The following DPP6 variants were observed in gnomAD, a reference collection of about 807,000 sequenced individuals.
DPP6 encodes dipeptidyl peptidase like 6, also known as A-type potassium channel modulatory protein DPP6.
A neutral mutation model predicts 122.6 loss-of-function variants in DPP6; 69 were observed. That is an observed-to-expected ratio of 0.56 (90% CI 0.46 to 0.69). The LOEUF (loss-of-function observed/expected upper bound fraction) is 0.69. Among genes scored for constraint, DPP6 ranks in the 30% least tolerant of loss-of-function variants. DPP6 has a pLI of 0.00. For missense variants in DPP6, 928 were observed against 1,116.9 expected (o/e 0.83, Z 2.41); for synonymous variants, 418 against 433.1 (o/e 0.97, Z 0.43).
intron 7 of DPP6, among the ~76,000 whole-genome samples, chr7:154,708,159 A>C (rs745935934): frequency 1.3e-5 from 2 of 152,204 alleles, no homozygotes; most frequent in Non-Finnish European, 1.5e-5. Flanking sequence ...CAATTTTAGG[A>C]CTACTTCCAT....
intron 1 of DPP6, among the ~76,000 whole-genome samples, chr7:154,316,266 C>T (rs1424930984): frequency 3.9e-5 from 6 of 152,206 alleles, no homozygotes; most frequent in Non-Finnish European, 8.8e-5. Flanking sequence ...TTCTCTGCTA[C>T]AGAAGCATGA....
At chr7:154,634,327 C>A (rs1835593329) in intron 5 of DPP6, among the ~76,000 whole-genome samples, 1 of 151,946 alleles carries the variant, frequency 6.6e-6, no homozygotes, top group African/African-American at 2.4e-5. Flanking sequence ...CATGTCCCTA[C>A]AAAGGACATG....
intron 16 of DPP6, among the ~76,000 whole-genome samples, chr7:154,848,384 T>C (rs1037635110): frequency 1.3e-5 from 2 of 152,194 alleles, no homozygotes; most frequent in African/African-American, 2.4e-5. Flanking sequence ...TGAGATGATA[T>C]CTTATTGTGC....
chr7:153,871,393 T>G, the DPP6 span, among the ~76,000 whole-genome samples: 1 of 152,198 alleles, frequency 6.6e-6, no homozygotes, highest in Admixed American at 6.5e-5. Flanking sequence ...TGCAGTTTGA[T>G]CTCAGACTGC....
At position 154,070,502 on chromosome 7, in the gene DPP6, T is replaced by C. The variant is rs189745268; in HGVS notation, c.243+17439T>C. Among the ~76,000 whole-genome samples the C allele has an allele frequency of 1.1e-4, 16 of 152,364 alleles. No homozygotes were observed. The East Asian group carries it at 2.3e-3, about 22-fold the overall frequency. On this transcript the variant is annotated intron_variant, in intron 1 of 25. Transcript: ENST00000377770. ...TTATGTGATCAGTTAGATGACATGC[T>C]AATAGGCAAAAGGCTTGCCTCTAAT... is the stretch of plus-strand genomic sequence containing the variant.
chr7:154,054,071 T>C (rs1446163130), intron 1 of DPP6, among the ~76,000 whole-genome samples: 2 of 149,566 alleles, frequency 1.3e-5, no homozygotes, highest in Non-Finnish European at 1.5e-5. Context: ...GGTACAGCTC[T>C]TATAACAGCT....
intron 1 of DPP6, among the ~76,000 whole-genome samples, chr7:153,965,006 T>C (rs1326898371): frequency 2.1e-5 from 3 of 141,618 alleles, no homozygotes; most frequent in South Asian, 2.2e-4. Context: ...CTTTCTTCCT[T>C]CCTTCCTTCC....
intron 1 of DPP6, among the ~76,000 whole-genome samples, chr7:153,899,680 C>G (rs1440792247): frequency 6.6e-6 from 1 of 152,162 alleles, no homozygotes; most frequent in East Asian, 1.9e-4. Context: ...TGCTTAGCTT[C>G]TGAGAAATGT....
chr7:154,308,950 A>C (rs73491265), intron 1 of DPP6, among the ~76,000 whole-genome samples: 8,557 of 152,202 alleles, frequency 0.056, 355 homozygotes, highest in African/African-American at 0.12. Flanking sequence ...ATGTGTGTGC[A>C]TGCGTATGCA....
the DPP6 span, among the ~76,000 whole-genome samples, chr7:153,787,394 T>C: frequency 6.8e-6 from 1 of 147,952 alleles, no homozygotes; most frequent in Non-Finnish European, 1.5e-5. Context: ...CCAGAGATGC[T>C]GTTCTTTGTA....
chr7:154,801,108 C>A (rs536173810), intron 12 of DPP6, among the ~76,000 whole-genome samples: 1 of 151,878 alleles, frequency 6.6e-6, no homozygotes, highest in African/African-American at 2.4e-5. Context: ...CTGAGGGATG[C>A]CTTTTTATTT....
chr7:154,005,734 G>A (rs2129047214), intron 1 of DPP6, among the ~76,000 whole-genome samples: 1 of 150,580 alleles, frequency 6.6e-6, no homozygotes, highest in African/African-American at 2.5e-5. Flanking sequence ...GCTGGAGCAG[G>A]GAGGTGTGAC....
intron 5 of DPP6, among the ~76,000 whole-genome samples, chr7:154,584,808 C>A (rs1048043864): frequency 3.9e-5 from 6 of 152,214 alleles, no homozygotes; most frequent in Admixed American, 1.3e-4. Context: ...AGAAAGCATG[C>A]ACAAAGCCTG....
the DPP6 span, among the ~76,000 whole-genome samples, chr7:153,780,502 T>C: frequency 6.6e-6 from 1 of 152,140 alleles, no homozygotes; most frequent in East Asian, 1.9e-4. Context: ...TCACAGCACA[T>C]ACTTGGCATT....
chr7:154,438,276 G>A (rs1819042378), intron 1 of DPP6, among the ~76,000 whole-genome samples: 1 of 151,872 alleles, frequency 6.6e-6, no homozygotes, highest in Admixed American at 6.6e-5. Context: ...GACCATCCTG[G>A]CTGACACGGT....
the DPP6 span, among the ~76,000 whole-genome samples, chr7:153,859,716 G>A: frequency 1.3e-5 from 2 of 151,758 alleles, no homozygotes; most frequent in African/African-American, 4.8e-5. Context: ...AAGAAAAGAG[G>A]TTTAATTGAC....
At chr7:154,035,328 A>G (rs545781969) in intron 1 of DPP6, among the ~76,000 whole-genome samples, 17 of 152,386 alleles carry the variant, frequency 1.1e-4, no homozygotes, top group Non-Finnish European at 1.9e-4. Context: ...AAGTTACACT[A>G]TAATTCATCA....
intron 1 of DPP6, among the ~76,000 whole-genome samples, chr7:154,132,282 A>G (rs1259000841): frequency 4.6e-5 from 7 of 152,204 alleles, no homozygotes; most frequent in African/African-American, 1.4e-4. Flanking sequence ...CGCTAAATAT[A>G]TACAAATCAA....
intron 20 of DPP6, chr7:154,876,322 A>C (rs1804852114): frequency 1.2e-6 from 1 of 807,690 alleles, no homozygotes; most frequent in Non-Finnish European, 1.7e-6. Context: ...TGCAGGGTAG[A>C]TTGTTGAGTT....
Sources: gnomAD v4.1 joint callset for allele counts (sites outside exome capture counted in the v4.1 genomes callset) on GRCh38, gnomAD v4.1.1 for gene constraint, MANE v1.5 for transcripts, NCBI Gene and HGNC (gene_info 2026-07-23, HGNC 2026-07-21) for gene names.